The following PDCL2 variants were observed in gnomAD, a reference collection of about 807,000 sequenced individuals.
PDCL2 encodes phosducin-like protein 2.
Under a neutral mutation model 30.3 loss-of-function variants are expected in PDCL2, and 23 were observed. The observed-to-expected ratio is 0.76, with a 90% confidence interval of 0.55 to 1.08. The LOEUF (loss-of-function observed/expected upper bound fraction) is 1.08, where lower values mean the gene tolerates loss of function less well. Ranked by LOEUF, PDCL2 falls within the 50% of genes least tolerant of loss-of-function variation. The probability of loss-of-function intolerance (pLI) is 0.00; values close to 1 mark genes in which losing one functional copy is unlikely to be tolerated. For synonymous variants in PDCL2, 68 were observed against 86.2 expected, an observed-to-expected ratio of 0.79 and a Z score of 1.17; for missense variants, 243 against 282.3, an observed-to-expected ratio of 0.86 and a Z score of 1.00.
chr4:55,557,086 C>T (rs1357595145), intron 5 of PDCL2, among the ~76,000 whole-genome samples: 1 of 152,226 alleles, frequency 6.6e-6, no homozygotes. Flanking sequence ...GATCCCCCTA[C>T]CTTGGCCTCC....
intron 1 of PDCL2, among the ~76,000 whole-genome samples, chr4:55,589,790 A>G (rs1732950936): frequency 6.6e-6 from 1 of 152,200 alleles, no homozygotes; most frequent in African/African-American, 2.4e-5. Context: ...TGTATGTCAA[A>G]GAGGTTGCTT....
rs559492865 is a variant in PDCL2, at chr4:55,582,056, C to G, written c.127+61G>C. On this transcript the variant is annotated intron_variant, in intron 2 of 5. Transcript: ENST00000295645. ...TCTCTCCCACTATGTTCATGAAATA[C>G]CTTAGTACTAACTTAACTGTATTAT... The G allele has an allele frequency of 1.0e-4, 162 of 1,586,384 alleles. No homozygotes were observed. In the African/African-American group the frequency reaches 1.7e-3, roughly 17 times the overall value.
In PDCL2 at chr4:55,583,677, CT is replaced by C. The variant is rs1732785915; in HGVS notation, c.7-1441del. Among the ~76,000 whole-genome samples the C allele has an allele frequency of 2.0e-5, 3 of 152,126 alleles. No homozygotes were observed. The South Asian group carries it at 6.2e-4, about 31-fold the overall frequency. On this transcript the variant is annotated intron_variant, in intron 1 of 5. Coordinates refer to ENST00000295645, the MANE Select transcript of PDCL2 (RefSeq NM_152401.3). ...AACACCCATTATTGAAGAGACTGTC[CT>C]TTTCCCCATTGTGTGTTCTTGTCCC...
At chr4:55,582,059 T>C (rs1295796956) in intron 2 of PDCL2, 58 bp downstream of exon 2, 17 of 1,591,220 alleles carry the variant, frequency 1.1e-5, no homozygotes, top group Non-Finnish European at 1.4e-5. Context: ...TGAAATACCT[T>C]AGTACTAACT....
At position 55,580,587 on chromosome 4, in the gene PDCL2, G is replaced by T. The variant is rs369799075; in HGVS notation, c.218+234C>A. 1.1e-4 allele frequency among the ~76,000 whole-genome samples: 17 copies of T among 152,236 alleles called. No homozygotes were observed. In the East Asian group the frequency reaches 2.5e-3, roughly 22 times the overall value. ...CCACTTTAATCGTATGTAGCTTGAT[G>T]AAGTTATATTGTACATGATTGGATA... On this transcript the variant is annotated intron_variant, in intron 3 of 5. Coordinates refer to ENST00000295645, the MANE Select transcript of PDCL2 (RefSeq NM_152401.3).
At chr4:55,568,519 C>T (rs1732328430) in intron 4 of PDCL2, among the ~76,000 whole-genome samples, 1 of 152,116 alleles carries the variant, frequency 6.6e-6, no homozygotes, top group African/African-American at 2.4e-5. Context: ...ATTTTTAAGT[C>T]AGTCGGGAAA....
Position 55,562,456 on chromosome 4 carries a change from T to C in PDCL2, c.519A>G (p.Glu173=). The C allele has an allele frequency of 1.3e-6, 2 of 1,527,894 alleles. No homozygotes were observed. Among genetic ancestry groups the C allele is most frequent in the Non-Finnish European group, 1.8e-6 (2 of 1,138,282 alleles). 94.6% of individuals were successfully genotyped at this position (1,527,894 alleles called of 1,614,324 possible). Reference sequence around the variant, plus strand: ...ATTCTATAATTCCAATGAATTTGGCTTCTATCTGACCATTTTTATACACAA... The same window carrying C: ...ATTCTATAATTCCAATGAATTTGGCCTCTATCTGACCATTTTTATACACAA... The part of the protein sequence containing the change: ...TIFVYKNGQI[E]AKFIGIIECG... Residue 173 remains glutamate (E), a synonymous_variant, in exon 5 of 6, where the codon GAA becomes GAG. Transcript: ENST00000295645.
rs749717807 is a variant in PDCL2 at position 55,580,776 on chromosome 4, T to C, written c.218+45A>G. The C allele has an allele frequency of 1.1e-4, 149 of 1,363,494 alleles. 2 individuals are homozygous for C. The highest frequency in any genetic ancestry group is 1.0e-3 in the South Asian group (72 of 71,738). The allele number at this position is 1,363,494 out of a possible 1,614,324, so 84.5% of individuals were successfully genotyped here. A position where few individuals can be genotyped will look rare whatever the true frequency, so the allele number is the denominator to read the frequency against. ...AATCTCTTTAGTTTTATTCTTATTATACTTCATTCAAAAATTTATAATTAA... is the reference window on the plus strand; with the variant it reads ...AATCTCTTTAGTTTTATTCTTATTACACTTCATTCAAAAATTTATAATTAA... On this transcript the variant is annotated intron_variant, in intron 3 of 5. Coordinates refer to ENST00000295645, the MANE Select transcript of PDCL2 (RefSeq NM_152401.3).
At chr4:55,562,689 G>T in intron 4 of PDCL2, 77 bp from the exon 5 acceptor site, 3 of 930,100 alleles carry the variant, frequency 3.2e-6, no homozygotes, top group Non-Finnish European at 3.1e-6. Context: ...GTAAAATATC[G>T]CCATGGCAAA....
intron 3 of PDCL2, among the ~76,000 whole-genome samples, chr4:55,576,624 G>GA (rs1157669546): frequency 1.3e-5 from 2 of 151,710 alleles, no homozygotes; most frequent in African/African-American, 4.8e-5. Flanking sequence ...TAATCACTAT[G>GA]AAAAAACTAA....
intron 1 of PDCL2, among the ~76,000 whole-genome samples, chr4:55,583,469 A>C (rs985447338): frequency 6.6e-6 from 1 of 152,140 alleles, no homozygotes; most frequent in Non-Finnish European, 1.5e-5. Flanking sequence ...GGGGGATTAA[A>C]TCCAAAAATT....
chr4:55,579,481 A>G (rs532765662), intron 3 of PDCL2, among the ~76,000 whole-genome samples: 1 of 152,276 alleles, frequency 6.6e-6, no homozygotes, highest in East Asian at 1.9e-4. Flanking sequence ...GGCATGTGCT[A>G]CAACGCCTGG....
chr4:55,587,646 C>T (rs1349885483), intron 1 of PDCL2, among the ~76,000 whole-genome samples: 2 of 151,084 alleles, frequency 1.3e-5, no homozygotes, highest in Non-Finnish European at 2.9e-5. Context: ...GAGAATTCTT[C>T]CTAGGTTTAA....
At chr4:55,577,294 A>C (rs12510400) in intron 3 of PDCL2, among the ~76,000 whole-genome samples, 4 of 152,014 alleles carry the variant, frequency 2.6e-5, no homozygotes, top group Non-Finnish European at 4.4e-5. Context: ...ATGCCATCAC[A>C]TTGGGAGGGG....
intron 3 of PDCL2, among the ~76,000 whole-genome samples, chr4:55,577,631 G>A (rs1732605558): frequency 6.6e-6 from 1 of 152,194 alleles, no homozygotes; most frequent in South Asian, 2.1e-4. Flanking sequence ...TTTGTGTCAG[G>A]AACTGGGGAC....
intron 3 of PDCL2, among the ~76,000 whole-genome samples, chr4:55,570,512 G>A (rs1476377671): frequency 6.6e-6 from 1 of 152,050 alleles, no homozygotes; most frequent in Non-Finnish European, 1.5e-5. Context: ...CATAAACTTG[G>A]GCAAGTTGTT....
intron 3 of PDCL2, among the ~76,000 whole-genome samples, chr4:55,570,907 T>C (rs80266739): frequency 0.034 from 5,155 of 152,332 alleles, 103 homozygotes; most frequent in Non-Finnish European, 0.054. Context: ...TTTTATGTAT[T>C]CTTGATGCTC....
At chr4:55,557,953 A>G (rs942942970) in intron 5 of PDCL2, among the ~76,000 whole-genome samples, 1 of 216 alleles carries the variant, frequency 4.6e-3, no homozygotes, top group African/African-American at 6.2e-3. Flanking sequence ...TAAAAATACA[A>G]AAAAAAAAAA....
intron 3 of PDCL2, among the ~76,000 whole-genome samples, chr4:55,570,576 C>A (rs540339954): frequency 6.6e-5 from 10 of 152,246 alleles, no homozygotes; most frequent in Non-Finnish European, 1.3e-4. Context: ...ATACTAATAG[C>A]TACTCACAAG....
Sources: allele counts gnomAD v4.1 joint callset (sites outside exome capture counted in the v4.1 genomes callset), GRCh38; gene constraint gnomAD v4.1.1; transcripts MANE v1.5; gene names NCBI Gene and HGNC (gene_info 2026-07-23, HGNC 2026-07-21).